The following ZNF804B variants were observed in gnomAD, a reference collection of about 807,000 sequenced individuals.
ZNF804B encodes the protein zinc finger protein 804B.
ZNF804B carries 80 observed loss-of-function variants against 101.4 expected under a neutral mutation model. The observed-to-expected ratio is 0.79, with a 90% CI of 0.66 to 0.95. ZNF804B has a LOEUF of 0.95. Among genes scored for constraint, ZNF804B ranks in the 40% least tolerant of loss-of-function variants. ZNF804B has a pLI of 0.00. For missense variants in ZNF804B, 1,673 were observed against 1,561.9 expected (o/e 1.07, Z -1.20); for synonymous variants, 622 against 558.8 (o/e 1.11, Z -1.59).
chr7:89,080,246 T>C (rs1789676253), intron 1 of ZNF804B, among the ~76,000 whole-genome samples: 1 of 151,694 alleles, frequency 6.6e-6, no homozygotes, highest in Non-Finnish European at 1.5e-5. Context: ...AAGACTATTG[T>C]GTTTTTGAGA....
intron 1 of ZNF804B, among the ~76,000 whole-genome samples, chr7:89,015,101 G>A (rs1220241348): frequency 2.0e-5 from 3 of 151,974 alleles, no homozygotes; most frequent in Admixed American, 6.6e-5. Flanking sequence ...AACTTAAGAG[G>A]GTGTACTTTC....
chr7:88,877,123 G>T (rs1305944568), intron 1 of ZNF804B, among the ~76,000 whole-genome samples: 2 of 123,166 alleles, frequency 1.6e-5, no homozygotes, highest in Non-Finnish European at 1.6e-5. Flanking sequence ...GCAGTGGCAC[G>T]ATCTCAGCTC....
At chr7:89,248,948 G>A (rs1338134074) in intron 2 of ZNF804B, among the ~76,000 whole-genome samples, 1 of 146,578 alleles carries the variant, frequency 6.8e-6, no homozygotes, top group African/African-American at 2.5e-5. Flanking sequence ...GGAAAAAGAA[G>A]CATCATAAGA....
At chr7:88,854,516 C>G (rs1233655001) in intron 1 of ZNF804B, among the ~76,000 whole-genome samples, 8 of 65,990 alleles carry the variant, frequency 1.2e-4, no homozygotes, top group African/African-American at 5.7e-4. Context: ...CCTTTCCTTT[C>G]CTTTCCTTCC....
intron 1 of ZNF804B, among the ~76,000 whole-genome samples, chr7:88,957,336 T>C (rs1793325542): frequency 6.6e-6 from 1 of 151,434 alleles, no homozygotes; most frequent in African/African-American, 2.4e-5. Context: ...ATTATGATTT[T>C]CTATTTGAAC....
intron 2 of ZNF804B, among the ~76,000 whole-genome samples, chr7:89,293,891 T>C (rs914418857): frequency 1.3e-5 from 2 of 152,222 alleles, no homozygotes; most frequent in African/African-American, 4.8e-5. Flanking sequence ...GCAATATTTT[T>C]CCATTTGTTT....
rs535302161 is a variant in ZNF804B, at chr7:89,332,636, T to G, written c.381-727T>G. On this transcript the variant is annotated intron_variant, in intron 3 of 3. Transcript: ENST00000333190. ...GATATTTTCAATCTTCTGTATGAAT[T>G]GCTAATGAAGCTCAGTAGAACAAAT... 2.6e-5 allele frequency among the ~76,000 whole-genome samples: 4 copies of G among 152,008 alleles called. No individual in the cohort carries two copies. In the South Asian group the frequency reaches 8.3e-4, roughly 31 times the overall value.
chr7:89,241,089 T>C (rs1337227437), intron 2 of ZNF804B, among the ~76,000 whole-genome samples: 1 of 152,066 alleles, frequency 6.6e-6, no homozygotes, highest in African/African-American at 2.4e-5. Flanking sequence ...GAGGCATTCG[T>C]TTTTGTTTTT....
intron 2 of ZNF804B, among the ~76,000 whole-genome samples, chr7:89,270,834 A>G (rs1251488905): frequency 6.6e-6 from 1 of 152,180 alleles, no homozygotes; most frequent in Non-Finnish European, 1.5e-5. Context: ...AGAAATTGTG[A>G]ATGGGAGTTC....
chr7:88,996,676 G>T (rs1788203863), intron 1 of ZNF804B, among the ~76,000 whole-genome samples: 1 of 152,026 alleles, frequency 6.6e-6, no homozygotes, highest in Non-Finnish European at 1.5e-5. Flanking sequence ...ATCACATGCT[G>T]TTTACTTTAA....
intron 1 of ZNF804B, among the ~76,000 whole-genome samples, chr7:89,001,689 G>A (rs1326695905): frequency 6.6e-6 from 1 of 151,820 alleles, no homozygotes; most frequent in African/African-American, 2.4e-5. Context: ...TTATAAAACT[G>A]TATGATGATT....
At chr7:89,192,233 A>T (rs1756987055) in intron 1 of ZNF804B, among the ~76,000 whole-genome samples, 1 of 152,026 alleles carries the variant, frequency 6.6e-6, no homozygotes, top group Admixed American at 6.6e-5. Flanking sequence ...CACCCTTGAG[A>T]GTTATCTAAT....
intron 1 of ZNF804B, among the ~76,000 whole-genome samples, chr7:88,899,942 G>A (rs778950301): frequency 1.3e-5 from 2 of 152,068 alleles, no homozygotes; most frequent in East Asian, 1.9e-4. Context: ...GTTAAAATGC[G>A]TTCAGGATGA....
At chr7:89,093,294 G>T (rs1219368361) in intron 1 of ZNF804B, among the ~76,000 whole-genome samples, 1 of 152,160 alleles carries the variant, frequency 6.6e-6, no homozygotes, top group Non-Finnish European at 1.5e-5. Context: ...ACTACCTTGT[G>T]CCTTTTGTCT....
intron 2 of ZNF804B, among the ~76,000 whole-genome samples, chr7:89,291,931 C>T (rs1384742094): frequency 6.6e-6 from 1 of 152,044 alleles, no homozygotes; most frequent in African/African-American, 2.4e-5. Context: ...ATATGATTGG[C>T]AGAAGACTTT....
chr7:89,194,787 G>A (rs1409047590), intron 1 of ZNF804B, among the ~76,000 whole-genome samples: 1 of 150,858 alleles, frequency 6.6e-6, no homozygotes, highest in East Asian at 1.9e-4. Context: ...GATTGACTTG[G>A]CGATGCGGGC....
intron 1 of ZNF804B, among the ~76,000 whole-genome samples, chr7:89,034,889 T>C (rs1788901475): frequency 6.6e-6 from 1 of 152,174 alleles, no homozygotes; most frequent in Non-Finnish European, 1.5e-5. Context: ...CATTCCTGTT[T>C]CTCCACATCC....
intron 1 of ZNF804B, among the ~76,000 whole-genome samples, chr7:89,037,714 T>C (rs1312570624): frequency 6.6e-6 from 1 of 152,064 alleles, no homozygotes; most frequent in East Asian, 1.9e-4. Flanking sequence ...AATACATTAT[T>C]AAGTATAGTC....
chr7:89,097,340 G>A (rs1789985510), intron 1 of ZNF804B, among the ~76,000 whole-genome samples: 1 of 152,156 alleles, frequency 6.6e-6, no homozygotes, highest in Non-Finnish European at 1.5e-5. Flanking sequence ...ATACATAAAT[G>A]TGTTGGATGA....
Sources: allele counts gnomAD v4.1 joint callset (sites outside exome capture counted in the v4.1 genomes callset), GRCh38; gene constraint gnomAD v4.1.1; transcripts MANE v1.5; gene names NCBI Gene and HGNC (gene_info 2026-07-23, HGNC 2026-07-21).